The following CIBAR2 variants were observed in gnomAD, a reference collection of about 807,000 sequenced individuals.
CIBAR2 encodes CBY1 interacting BAR domain containing 2, also known as CBY1-interacting BAR domain-containing protein 2.
CIBAR2 carries 38 observed loss-of-function variants against 36.2 expected under a neutral mutation model. The observed-to-expected ratio is 1.05, with a 90% CI of 0.81 to 1.38. The LOEUF (loss-of-function observed/expected upper bound fraction) is 1.38. CIBAR2 is among the 40% of genes most tolerant of loss of function. The pLI, the probability that CIBAR2 is intolerant of heterozygous loss-of-function variation, is 0.00. For synonymous variants in CIBAR2, 182 were observed against 149.5 expected (o/e 1.22, Z -1.58); for missense variants, 481 against 383.4 (o/e 1.25, Z -2.13).
rs777508986 is a variant in CIBAR2, at chr16:85,107,635, C to T, written c.432+32G>A. On this transcript the variant is annotated intron_variant, in intron 5 of 8. Coordinates refer to ENST00000539556, the MANE Select transcript of CIBAR2 (RefSeq NM_198491.3). The stretch of plus-strand genomic sequence containing the variant: ...GGTCGTGTATTTCCTACGTGTGATT[C>T]TGCCTGCCCCAGACAGACATGTGAC... The T allele has an allele frequency of 4.3e-5, 69 of 1,612,562 alleles. No individual in the cohort carries two copies. In the South Asian group the frequency reaches 4.5e-4, roughly 11 times the overall value.
chr16:85,108,589 G>A (rs887842839), intron 2 of CIBAR2, among the ~76,000 whole-genome samples: 2 of 152,200 alleles, frequency 1.3e-5, no homozygotes, highest in Non-Finnish European at 2.9e-5. Flanking sequence ...GAGTCACAGT[G>A]GGGCCGGGCG....
chr16:85,100,260 G>A lies in CIBAR2; in HGVS notation c.652-20C>T. On this transcript the variant is annotated intron_variant, in intron 7 of 8. Coordinates refer to ENST00000539556, the MANE Select transcript of CIBAR2 (RefSeq NM_198491.3). ...AAAATCCTGCCGGGGAGAGACCAGG[G>A]TGGGTGGGATCCGATGGGAAAACAC... 3 of 1,561,696 alleles carry A rather than the reference G, an allele frequency of 1.9e-6. No homozygotes were observed. Among genetic ancestry groups the A allele is most frequent in the South Asian group, 2.3e-5 (2 of 86,536 alleles).
At chr16:85,102,948 C>A (rs1160959291) in intron 6 of CIBAR2, among the ~76,000 whole-genome samples, 1 of 151,358 alleles carries the variant, frequency 6.6e-6, no homozygotes, top group African/African-American at 2.4e-5. Context: ...GTCACCCAAG[C>A]TGGAGTGAAG....
In CIBAR2 at chr16:85,099,110, C is replaced by T; in HGVS notation, c.*75G>A. On this transcript the variant is annotated 3_prime_UTR_variant, in exon 9 of 9. Coordinates refer to ENST00000539556, the MANE Select transcript of CIBAR2 (RefSeq NM_198491.3). ...CCAACAAAGACAAAGAAAAAAGAAT[C>T]AGAAAATAAGAACAAAGCCTCCAGG... The T allele has an allele frequency of 1.4e-6, 2 of 1,429,410 alleles. No individual in the cohort carries two copies. Among genetic ancestry groups the T allele is most frequent in the South Asian group, 1.6e-5 (1 of 62,980 alleles). The allele number at this position is 1,429,410 out of a possible 1,614,324, so 88.5% of individuals were successfully genotyped here.
intron 6 of CIBAR2, among the ~76,000 whole-genome samples, chr16:85,104,531 G>T (rs2073980372): frequency 6.6e-6 from 1 of 152,058 alleles, no homozygotes; most frequent in African/African-American, 2.4e-5. Context: ...AACATGGTGA[G>T]ACCACCTCCC....
At chr16:85,101,979 T>C (rs2073959203) in intron 7 of CIBAR2, among the ~76,000 whole-genome samples, 1 of 152,210 alleles carries the variant, frequency 6.6e-6, no homozygotes, top group Admixed American at 6.5e-5. Flanking sequence ...GATCCATTTG[T>C]TTTTAAACAC....
Position 85,112,337 on chromosome 16 carries a change from A to G in CIBAR2, c.16T>C (p.Ser6Pro). Residue 6 changes from serine (S) to proline (P), a missense_variant, in exon 1 of 9, where the codon TCC becomes CCC. Coordinates refer to ENST00000539556, the MANE Select transcript of CIBAR2 (RefSeq NM_198491.3). MNIVF[S>P]RDSQVRVMEN... ...GGCTGGCGCTGGCCCACTCACCTGG[A>G]GAAGACGATGTTCATTGTGACCAGA... 1 of 1,613,838 alleles carries G rather than the reference A, an allele frequency of 6.2e-7. No individual in the cohort carries two copies. Among genetic ancestry groups the G allele is most frequent in the Middle Eastern group, 1.7e-4 (1 of 6,060 alleles).
Position 85,107,229 on chromosome 16 carries a change from G to C in CIBAR2, c.432+438C>G, listed in dbSNP as rs1030876880. ...GTTACACATACAGCAGCGGTGACTA[G>C]CCCTCCTCCAGCTCTCACTCTACCT... On this transcript the variant is annotated intron_variant, in intron 5 of 8. Coordinates refer to ENST00000539556, the MANE Select transcript of CIBAR2 (RefSeq NM_198491.3). Among the ~76,000 whole-genome samples the C allele has an allele frequency of 1.3e-5, 2 of 152,082 alleles. 1 individual carries two copies. Among genetic ancestry groups the C allele is most frequent in the Non-Finnish European group, 2.9e-5 (2 of 68,028 alleles).
intron 4 of CIBAR2, 60 bp from the exon 5 acceptor site, chr16:85,107,732 G>T: frequency 6.2e-7 from 1 of 1,604,384 alleles, no homozygotes; most frequent in Non-Finnish European, 8.5e-7. Flanking sequence ...GGGGTGGTCC[G>T]CCCCCTTCAC....
In CIBAR2 at chr16:85,098,449, T is replaced by A; in HGVS notation, c.*736A>T. ...TGTGAAGTGAGTGATATTGGCCCTG[T>A]TGTACAGATGAGGAAACTGAGGCTC... On this transcript the variant is annotated 3_prime_UTR_variant, in exon 9 of 9. Transcript: ENST00000539556. 3.6e-6 allele frequency: 3 copies of A among 826,164 alleles called. No individual in the cohort carries two copies. Among genetic ancestry groups the A allele is most frequent in the Non-Finnish European group, 4.4e-6 (3 of 683,990 alleles). 51.2% of individuals were successfully genotyped at this position (826,164 alleles called of 1,614,324 possible).
intron 8 of CIBAR2, 67 bp downstream of exon 8, chr16:85,100,071 AC>A: frequency 8.2e-7 from 1 of 1,219,050 alleles, no homozygotes; most frequent in South Asian, 1.4e-5. Flanking sequence ...CCCTGGGGTT[AC>A]TACCACGGGC....
chr16:85,099,213 T>C lies in CIBAR2; in HGVS notation c.887A>G (p.His296Arg), dbSNP rs764523389. 1 of 1,600,638 alleles carries C rather than the reference T, an allele frequency of 6.2e-7. No homozygotes were observed. The highest frequency in any genetic ancestry group is 1.3e-5 in the African/African-American group (1 of 74,316). Reference sequence around the variant, plus strand: ...GAGAGAATGTCCTGGAAGCATGAGATGCCCACCCTGCCCACACACACAGTG... The same window carrying C: ...GAGAGAATGTCCTGGAAGCATGAGACGCCCACCCTGCCCACACACACAGTG... ...PAHCVCGQGG[H>R]LMLPGHSL The change falls in exon 9 of 9, where the codon CAT becomes CGT. Residue 296 changes from histidine (H) to arginine (R), a missense_variant. His to Arg is a conservative substitution (Grantham distance 29). Coordinates refer to ENST00000539556, the MANE Select transcript of CIBAR2 (RefSeq NM_198491.3).
chr16:85,102,448 G>C, intron 6 of CIBAR2, 121 bp from the exon 7 acceptor site: 2 of 667,002 alleles, frequency 3.0e-6, no homozygotes, highest in South Asian at 1.7e-5. Flanking sequence ...CAGGCCCCAG[G>C]TGGGGAGTTT....
At chr16:85,107,332 C>A (rs72807609) in intron 5 of CIBAR2, among the ~76,000 whole-genome samples, 31,019 of 152,068 alleles carry the variant, frequency 0.2, 3,286 homozygotes, top group Middle Eastern at 0.27. Flanking sequence ...TGCTGTGCCC[C>A]ACGAGCTCCC....
chr16:85,101,794 C>T (rs1441899034), intron 7 of CIBAR2, among the ~76,000 whole-genome samples: 3 of 151,846 alleles, frequency 2.0e-5, no homozygotes, highest in Non-Finnish European at 2.9e-5. Context: ...CTCAGCCTCC[C>T]GAGTAGCTGG....
At chr16:85,100,825 A>C (rs892456614) in intron 7 of CIBAR2, among the ~76,000 whole-genome samples, 34 of 152,210 alleles carry the variant, frequency 2.2e-4, no homozygotes, top group African/African-American at 8.2e-4. Context: ...AGGCGGGCAG[A>C]TCATGAGGTC....
Position 85,105,370 on chromosome 16 carries a change from T to G in CIBAR2, c.494A>C (p.Glu165Ala). The change falls in exon 6 of 9, where the codon GAG (glutamate) becomes GCG (alanine). Residue 165 changes from glutamate to alanine, a missense_variant. Physicochemically the swap from Glu to Ala is moderately radical, Grantham distance 107. Transcript: ENST00000539556. The stretch of plus-strand genomic sequence containing the variant: ...CTGCCTCTGGAAGCCATCCACAGTC[T>G]CCTCCAGCTGGAGGGTGGTGCGGCT... Reference protein sequence around the residue: ...DSSRTTLQLEETVDGFQRQKL... With the variant: ...DSSRTTLQLEATVDGFQRQKL... 1.2e-6 allele frequency: 2 copies of G among 1,613,748 alleles called. No individual in the cohort carries two copies. The highest frequency in any genetic ancestry group is 1.7e-6 in the Non-Finnish European group (2 of 1,179,926).
chr16:85,110,172 G>A (rs1178523503), intron 2 of CIBAR2, 54 bp downstream of exon 2: 2 of 1,389,980 alleles, frequency 1.4e-6, no homozygotes, highest in Non-Finnish European at 2.0e-6. Context: ...CCTGACCTTG[G>A]CATTGGAGCC....
chr16:85,105,390 G>A lies in CIBAR2; in HGVS notation c.474C>T (p.Arg158=), dbSNP rs1230877813. The change falls in exon 6 of 9, where the codon CGC becomes CGT. Residue 158 remains arginine, a synonymous_variant. Transcript: ENST00000539556. ...RVQRAAVDSS[R]TTLQLEETVD... ...CAGTCTCCTCCAGCTGGAGGGTGGT[G>A]CGGCTGGAGTCCACAGCGGCCCTCT... is the stretch of plus-strand genomic sequence containing the variant. 4.3e-6 allele frequency: 7 copies of A among 1,613,878 alleles called. 1 individual carries two copies. The highest frequency in any genetic ancestry group is 5.9e-6 in the Non-Finnish European group (7 of 1,179,990).
Sources: gnomAD v4.1 joint callset for allele counts (sites outside exome capture counted in the v4.1 genomes callset) on GRCh38, gnomAD v4.1.1 for gene constraint, MANE v1.5 for transcripts, NCBI Gene and HGNC (gene_info 2026-07-23, HGNC 2026-07-21) for gene names.